The following MMAA variants were observed in gnomAD, a reference collection of about 807,000 sequenced individuals.
The protein encoded by MMAA is metabolism of cobalamin associated A, also known as methylmalonic aciduria type A protein, mitochondrial.
MMAA carries 41 observed loss-of-function variants against 45.0 expected under a neutral mutation model. The ratio of observed to expected loss-of-function variants is 0.91; its 90% CI spans 0.71 to 1.18. The LOEUF (loss-of-function observed/expected upper bound fraction) is 1.18. Ranked by LOEUF, MMAA falls within the 50% of genes most tolerant of loss-of-function variation. MMAA has a pLI of 0.00. For missense variants in MMAA, 460 were observed against 495.7 expected (o/e 0.93, Z 0.68); for synonymous variants, 154 against 178.2 (o/e 0.86, Z 1.08).
intron 1 of MMAA, among the ~76,000 whole-genome samples, chr4:145,637,427 A>C (rs572452015): frequency 6.6e-6 from 1 of 152,306 alleles, no homozygotes; most frequent in Admixed American, 6.5e-5. Flanking sequence ...TTTTGTACAA[A>C]TAGACATTAT....
chr4:145,637,705 G>A (rs940866014), intron 1 of MMAA, among the ~76,000 whole-genome samples: 3 of 152,192 alleles, frequency 2.0e-5, no homozygotes, highest in Admixed American at 1.3e-4. Flanking sequence ...AACTGGGTGA[G>A]TTATATATAA....
At chr4:145,649,980 C>T (rs992582842) in intron 4 of MMAA, among the ~76,000 whole-genome samples, 4 of 152,146 alleles carry the variant, frequency 2.6e-5, no homozygotes, top group Admixed American at 6.5e-5. Flanking sequence ...CTCACTACAT[C>T]ACCCGGGCTG....
chr4:145,645,720 C>T (rs1319778581), intron 3 of MMAA, among the ~76,000 whole-genome samples: 1 of 152,168 alleles, frequency 6.6e-6, no homozygotes, highest in Non-Finnish European at 1.5e-5. Context: ...TAGTAGAAGC[C>T]AGAGTTGGAC....
At chr4:145,625,172 A>T (rs1734176043) in intron 1 of MMAA, 1 of 1,423,396 alleles carries the variant, frequency 7.0e-7, no homozygotes, top group East Asian at 2.3e-5. Context: ...TTCCATTTCA[A>T]TGGAGAAAGA....
At chr4:145,622,265 C>A (rs1734102976) in intron 1 of MMAA, among the ~76,000 whole-genome samples, 1 of 152,180 alleles carries the variant, frequency 6.6e-6, no homozygotes, top group Admixed American at 6.5e-5. Context: ...TACACAAGCT[C>A]TCTCTTTCCT....
intron 5 of MMAA, among the ~76,000 whole-genome samples, chr4:145,652,073 C>G (rs1339712943): frequency 6.6e-6 from 1 of 152,076 alleles, no homozygotes; most frequent in Non-Finnish European, 1.5e-5. Flanking sequence ...CAGGAAAGCA[C>G]TATATTACAA....
At chr4:145,642,511 T>C (rs1021340434) in intron 3 of MMAA, 26 bp downstream of exon 3, 1 of 1,613,780 alleles carries the variant, frequency 6.2e-7, no homozygotes, top group Non-Finnish European at 8.5e-7. Context: ...TCTTTTTCAA[T>C]TGCAGAGGTC....
At chr4:145,646,444 A>C in intron 4 of MMAA, 1 of 361,794 alleles carries the variant, frequency 2.8e-6, no homozygotes, top group South Asian at 3.0e-5. Context: ...TGTGTAAATG[A>C]TGCTTTGGCA....
At chr4:145,620,023 T>G (rs1734059347) in intron 1 of MMAA, among the ~76,000 whole-genome samples, 1 of 152,242 alleles carries the variant, frequency 6.6e-6, no homozygotes, top group Non-Finnish European at 1.5e-5. Context: ...TAAAAATTTT[T>G]TATTATCTGT....
At chr4:145,651,017 A>G (rs888293659) in intron 4 of MMAA, 45 bp from the exon 5 acceptor site, 18 of 1,545,612 alleles carry the variant, frequency 1.2e-5, no homozygotes, top group Non-Finnish European at 1.4e-5. Flanking sequence ...AGAAAGTCAA[A>G]TAATGGTGAG....
chr4:145,642,574 A>G (rs1727818201), intron 3 of MMAA, 89 bp downstream of exon 3: 48 of 1,562,652 alleles, frequency 3.1e-5, no homozygotes, highest in Non-Finnish European at 4.2e-5. Flanking sequence ...GGTGACCTCT[A>G]ACTGCTAGCT....
At chr4:145,625,559 T>G (rs1297657979) in intron 1 of MMAA, 4 of 759,636 alleles carry the variant, frequency 5.3e-6, no homozygotes, top group Non-Finnish European at 2.5e-6. Context: ...AAATTTGAAT[T>G]GTTTTGAGAG....
chr4:145,645,975 G>C lies in MMAA; in HGVS notation c.563-11G>C. The C allele has an allele frequency of 6.2e-7, 1 of 1,613,454 alleles. No individual in the cohort carries two copies. The highest frequency in any genetic ancestry group is 8.5e-7 in the Non-Finnish European group (1 of 1,179,606). On this transcript the variant is annotated splice_polypyrimidine_tract_variant and intron_variant, in intron 3 of 6. Transcript: ENST00000649156. ...TGTTCCATGATTATAAAATGTAACT[G>C]TATGTTTTAGGATCACTCTTAGGTG...
At chr4:145,630,002 G>GAGT (rs1191643951) in intron 1 of MMAA, among the ~76,000 whole-genome samples, 1 of 152,044 alleles carries the variant, frequency 6.6e-6, no homozygotes, top group Admixed American at 6.5e-5. Context: ...TTGGGTATCA[G>GAGT]AGTAATACTG....
intron 3 of MMAA, among the ~76,000 whole-genome samples, chr4:145,644,171 T>C (rs1727866003): frequency 1.3e-5 from 2 of 152,200 alleles, no homozygotes; most frequent in Non-Finnish European, 2.9e-5. Flanking sequence ...TTAACAGTTT[T>C]GGAATTTCTG....
At chr4:145,625,140 G>A in intron 1 of MMAA, 3 of 1,246,782 alleles carry the variant, frequency 2.4e-6, no homozygotes, top group Non-Finnish European at 3.5e-6. Context: ...TCTCGATCAG[G>A]AAGCTCTAGA....
intron 1 of MMAA, chr4:145,625,865 G>A (rs1734194117): frequency 3.6e-6 from 5 of 1,370,572 alleles, no homozygotes; most frequent in Non-Finnish European, 5.2e-6. Flanking sequence ...CCAGATGACG[G>A]GTTATGCAAC....
At chr4:145,624,952 T>C in intron 1 of MMAA, 1 of 1,154,694 alleles carries the variant, frequency 8.7e-7, no homozygotes, top group Non-Finnish European at 1.3e-6. Flanking sequence ...ACTCCATACC[T>C]TTGGGCTGGT....
chr4:145,625,570 A>T, intron 1 of MMAA: 1 of 765,166 alleles, frequency 1.3e-6, no homozygotes, highest in Non-Finnish European at 2.4e-6. Flanking sequence ...GTTTTGAGAG[A>T]CCTAAATATG....
Sources: allele counts gnomAD v4.1 joint callset (sites outside exome capture counted in the v4.1 genomes callset), GRCh38; gene constraint gnomAD v4.1.1; transcripts MANE v1.5; gene names NCBI Gene and HGNC (gene_info 2026-07-23, HGNC 2026-07-21).